Variants in PABPC4L observed in about 807,000 individuals in gnomAD.
The protein encoded by PABPC4L is polyadenylate-binding protein 4-like.
For synonymous variants in PABPC4L, 169 were observed against 164.1 expected (o/e 1.03, Z -0.23); for missense variants, 452 against 451.4 (o/e 1.00, Z -0.01).
chr4:134,051,506 T>G, the PABPC4L span, among the ~76,000 whole-genome samples: 3 of 152,180 alleles, frequency 2.0e-5, no homozygotes, highest in Admixed American at 6.6e-5. Context: ...TTGAGCATTC[T>G]GGGTAATAGT....
chr4:134,063,236 A>G, the PABPC4L span, among the ~76,000 whole-genome samples: 1 of 152,104 alleles, frequency 6.6e-6, no homozygotes, highest in Admixed American at 6.6e-5. Context: ...AGAAATGCCA[A>G]GAAGCTAAGT....
At chr4:134,074,214 C>T in the PABPC4L span, among the ~76,000 whole-genome samples, 4 of 152,036 alleles carry the variant, frequency 2.6e-5, no homozygotes, top group South Asian at 8.3e-4. Flanking sequence ...TACCCTAAAT[C>T]GTCTCTCTCA....
chr4:134,058,384 T>C, the PABPC4L span, among the ~76,000 whole-genome samples: 1 of 152,000 alleles, frequency 6.6e-6, no homozygotes, highest in Non-Finnish European at 1.5e-5. Context: ...TAAGCACTTC[T>C]TATGATAAAC....
chr4:133,993,361 T>C, the PABPC4L span, among the ~76,000 whole-genome samples: 1 of 152,132 alleles, frequency 6.6e-6, no homozygotes, highest in Non-Finnish European at 1.5e-5. Flanking sequence ...GTTGAAACTG[T>C]GAGCTGATGT....
At chr4:134,064,503 G>A in the PABPC4L span, among the ~76,000 whole-genome samples, 3 of 152,052 alleles carry the variant, frequency 2.0e-5, no homozygotes, top group African/African-American at 7.2e-5. Context: ...TAATTTAAAT[G>A]TGATCTCTTT....
the PABPC4L span, among the ~76,000 whole-genome samples, chr4:133,983,378 G>A: frequency 2.6e-5 from 4 of 151,672 alleles, no homozygotes; most frequent in South Asian, 8.3e-4. Flanking sequence ...GGTAACACAA[G>A]TACAATAAGA....
the PABPC4L span, among the ~76,000 whole-genome samples, chr4:134,159,283 C>A: frequency 1.3e-5 from 2 of 152,154 alleles, no homozygotes; most frequent in African/African-American, 4.8e-5. Flanking sequence ...GACCACCCCC[C>A]TGTAGGAACA....
At chr4:134,106,916 A>T in the PABPC4L span, among the ~76,000 whole-genome samples, 1 of 151,414 alleles carries the variant, frequency 6.6e-6, no homozygotes, top group East Asian at 1.9e-4. Context: ...TAACCTATTT[A>T]TATCATGAGC....
the PABPC4L span, among the ~76,000 whole-genome samples, chr4:133,998,859 A>T: frequency 6.6e-6 from 1 of 151,750 alleles, no homozygotes; most frequent in African/African-American, 2.4e-5. Context: ...TTTTAATTTT[A>T]GTTAGGTGTT....
At chr4:134,020,576 G>A in the PABPC4L span, among the ~76,000 whole-genome samples, 1 of 151,920 alleles carries the variant, frequency 6.6e-6, no homozygotes, top group Admixed American at 6.6e-5. Context: ...CATTTTCCTG[G>A]CCCTCACTCA....
chr4:133,964,133 G>T, the PABPC4L span, among the ~76,000 whole-genome samples: 1 of 152,020 alleles, frequency 6.6e-6, no homozygotes, highest in African/African-American at 2.4e-5. Flanking sequence ...GAAACAAATG[G>T]GAGATATTAC....
chr4:134,010,605 C>T, the PABPC4L span: 1 of 152,114 alleles, frequency 6.6e-6, no homozygotes, highest in Non-Finnish European at 1.5e-5. Context: ...GGGATCCAAG[C>T]TACCTGCAGC....
At chr4:134,032,586 C>T in the PABPC4L span, among the ~76,000 whole-genome samples, 6 of 151,596 alleles carry the variant, frequency 4.0e-5, no homozygotes, top group Non-Finnish European at 7.4e-5. Flanking sequence ...TATGCACACA[C>T]TATAACAGTA....
chr4:134,017,993 A>G, the PABPC4L span, among the ~76,000 whole-genome samples: 2 of 152,114 alleles, frequency 1.3e-5, no homozygotes, highest in Non-Finnish European at 2.9e-5. Context: ...TCTGAGCCCA[A>G]GCTAAGCCAT....
At chr4:134,149,189 A>G in the PABPC4L span, among the ~76,000 whole-genome samples, 1 of 152,182 alleles carries the variant, frequency 6.6e-6, no homozygotes, top group South Asian at 2.1e-4. Context: ...AAGGCACTGC[A>G]GAAAGAGAAG....
At chr4:134,114,753 T>C in the PABPC4L span, among the ~76,000 whole-genome samples, 2 of 151,910 alleles carry the variant, frequency 1.3e-5, no homozygotes, top group African/African-American at 2.4e-5. Flanking sequence ...AGTTAATATG[T>C]GTCAGAGCAC....
At chr4:133,991,253 T>C in the PABPC4L span, among the ~76,000 whole-genome samples, 16 of 152,300 alleles carry the variant, frequency 1.1e-4, no homozygotes, top group Middle Eastern at 3.4e-3. Flanking sequence ...GTTGGGTGTA[T>C]AGACTATGGC....
the PABPC4L span, among the ~76,000 whole-genome samples, chr4:133,986,160 A>T: frequency 6.6e-6 from 1 of 152,160 alleles, no homozygotes; most frequent in African/African-American, 2.4e-5. Context: ...TTTGGATGTC[A>T]ATATCCTTCT....
chr4:134,032,134 A>C, the PABPC4L span, among the ~76,000 whole-genome samples: 101 of 151,974 alleles, frequency 6.6e-4, 1 homozygote, highest in African/African-American at 2.1e-3. Flanking sequence ...AGGAAAGGCC[A>C]CATGTTGATA....
Sources: gnomAD v4.1 joint callset for allele counts (sites outside exome capture counted in the v4.1 genomes callset) on GRCh38, gnomAD v4.1.1 for gene constraint, MANE v1.5 for transcripts, NCBI Gene and HGNC (gene_info 2026-07-23, HGNC 2026-07-21) for gene names.